ULK4: variants seen among roughly 807,000 people sequenced by gnomAD.
ULK4 encodes the protein unc-51 like kinase 4.
ULK4 carries 133 observed loss-of-function variants against 160.6 expected under a neutral mutation model. The ratio of observed to expected loss-of-function variants is 0.83; its 90% CI spans 0.72 to 0.96. The LOEUF is 0.96. Among genes scored for constraint, ULK4 ranks in the 40% least tolerant of loss-of-function variants. The pLI is 0.00. For missense variants in ULK4, 1,580 were observed against 1,499.5 expected (o/e 1.05, Z -0.89); for synonymous variants, 534 against 539.8 (o/e 0.99, Z 0.15).
chr3:41,495,004 C>T (rs1013102394), intron 32 of ULK4, among the ~76,000 whole-genome samples: 5 of 151,948 alleles, frequency 3.3e-5, no homozygotes, highest in Non-Finnish European at 7.4e-5. Context: ...GGCCATACTG[C>T]CCAAGGTAAT....
chr3:41,680,296 G>A (rs1383309193), intron 29 of ULK4, among the ~76,000 whole-genome samples: 1 of 151,966 alleles, frequency 6.6e-6, no homozygotes, highest in Non-Finnish European at 1.5e-5. Context: ...TCTTACTTTG[G>A]GCATTAAAAG....
In ULK4 at chr3:41,255,129, TAC is replaced by T. The variant is rs369404667; in HGVS notation, c.3679-5557_3679-5556del. Among the ~76,000 whole-genome samples the T allele has an allele frequency of 3.4e-3, 491 of 143,888 alleles. 2 individuals are homozygous for T. The highest frequency in any genetic ancestry group is 7.2e-3 in the Middle Eastern group (2 of 278). 94.4% of individuals were successfully genotyped at this position (143,888 alleles called of 152,430 possible). ...ACATCTGTAATATATAAATTATGGC[TAC>T]ACACACACACACACACACACACACA... On this transcript the variant is annotated intron_variant, in intron 35 of 36. Coordinates refer to ENST00000301831, the MANE Select transcript of ULK4 (RefSeq NM_017886.4).
At chr3:41,735,761 A>G (rs1438663411) in intron 22 of ULK4, among the ~76,000 whole-genome samples, 1 of 150,952 alleles carries the variant, frequency 6.6e-6, no homozygotes, top group Non-Finnish European at 1.5e-5. Context: ...GGTTTGTTAC[A>G]TATGTATACA....
At chr3:41,736,600 T>A (rs1013938910) in intron 22 of ULK4, among the ~76,000 whole-genome samples, 3 of 151,792 alleles carry the variant, frequency 2.0e-5, no homozygotes, top group African/African-American at 7.3e-5. Context: ...TAGCCCTTTG[T>A]CAGATGAGTA....
At chr3:41,439,526 C>T (rs1264672689) in intron 34 of ULK4, among the ~76,000 whole-genome samples, 1 of 152,086 alleles carries the variant, frequency 6.6e-6, no homozygotes, top group Non-Finnish European at 1.5e-5. Context: ...TGAGTGATAA[C>T]TGACATGCAA....
At position 41,379,281 on chromosome 3, in the gene ULK4, C is replaced by T. The variant is rs80018856; in HGVS notation, c.3678+18798G>A. 5.6e-3 allele frequency among the ~76,000 whole-genome samples: 850 copies of T among 152,096 alleles called. 7 individuals carry two copies. The highest frequency in any genetic ancestry group is 0.02 in the African/African-American group (823 of 41,510). The stretch of plus-strand genomic sequence containing the variant: ...ACATGTACTGTATGGAACTCTGAGA[C>T]TTTCTTTGAAGAATGGATAAAAATG... On this transcript the variant is annotated intron_variant, in intron 35 of 36. Transcript: ENST00000301831.
At chr3:41,900,479 C>T (rs921069113) in intron 13 of ULK4, among the ~76,000 whole-genome samples, 5 of 152,150 alleles carry the variant, frequency 3.3e-5, no homozygotes, top group African/African-American at 1.2e-4. Context: ...TGAGAGGCAG[C>T]AGAGCTGACT....
At chr3:41,492,798 C>T (rs1272968507) in intron 32 of ULK4, among the ~76,000 whole-genome samples, 1 of 147,700 alleles carries the variant, frequency 6.8e-6, no homozygotes, top group Admixed American at 6.8e-5. Flanking sequence ...ATAAAACAGA[C>T]TTTAAACCAG....
chr3:41,887,165 T>G (rs1697755336), intron 16 of ULK4, among the ~76,000 whole-genome samples: 1 of 152,174 alleles, frequency 6.6e-6, no homozygotes, highest in Non-Finnish European at 1.5e-5. Flanking sequence ...GCCCCACCAC[T>G]GGGGGCGAGG....
At chr3:41,693,955 G>GA (rs1553635237) in intron 27 of ULK4, among the ~76,000 whole-genome samples, 1 of 152,226 alleles carries the variant, frequency 6.6e-6, no homozygotes, top group Non-Finnish European at 1.5e-5. Context: ...TATGAACACA[G>GA]TATTGACTAT....
intron 32 of ULK4, among the ~76,000 whole-genome samples, chr3:41,502,213 C>T (rs2085234863): frequency 6.6e-6 from 1 of 152,142 alleles, no homozygotes; most frequent in Non-Finnish European, 1.5e-5. Context: ...GATATATTCC[C>T]AGAAGTAGAA....
chr3:41,593,548 G>A (rs1384953723), intron 31 of ULK4, among the ~76,000 whole-genome samples: 1 of 152,160 alleles, frequency 6.6e-6, no homozygotes, highest in Non-Finnish European at 1.5e-5. Flanking sequence ...CCGGTCTATA[G>A]TTGATAGTTA....
Position 41,368,624 on chromosome 3 carries a change from A to T in ULK4, c.3678+29455T>A, listed in dbSNP as rs543929459. ...TGTCTATTTTGGGTATTTTACATAA[A>T]TGTAATCACACATCATGTGGTGCTT... On this transcript the variant is annotated intron_variant, in intron 35 of 36. Transcript: ENST00000301831. Among the ~76,000 whole-genome samples the T allele has an allele frequency of 1.3e-4, 20 of 152,292 alleles. No individual in the cohort carries two copies. In the South Asian group the frequency reaches 4.1e-3, roughly 32 times the overall value.
intron 32 of ULK4, among the ~76,000 whole-genome samples, chr3:41,496,364 A>G (rs1232229867): frequency 6.6e-6 from 1 of 152,120 alleles, no homozygotes; most frequent in East Asian, 1.9e-4. Flanking sequence ...TGTTTTTCAA[A>G]TGTCAGACAA....
intron 31 of ULK4, among the ~76,000 whole-genome samples, chr3:41,593,644 G>C (rs186839526): frequency 6.6e-6 from 1 of 152,202 alleles, no homozygotes; most frequent in Admixed American, 6.5e-5. Context: ...TCTGGGCACA[G>C]AGTCATAGCT....
intron 35 of ULK4, among the ~76,000 whole-genome samples, chr3:41,343,906 G>A (rs1258515038): frequency 6.6e-6 from 1 of 152,106 alleles, no homozygotes; most frequent in East Asian, 1.9e-4. Context: ...AATCAATATT[G>A]TGAAAATGGC....
intron 32 of ULK4, among the ~76,000 whole-genome samples, chr3:41,554,693 T>A (rs79683286): frequency 0.02 from 3,108 of 152,120 alleles, 111 homozygotes; most frequent in African/African-American, 0.072. Context: ...TATTTCAAAG[T>A]AGGTAAAATA....
chr3:41,797,400 A>G (rs1372736021), intron 20 of ULK4, among the ~76,000 whole-genome samples: 2 of 152,196 alleles, frequency 1.3e-5, no homozygotes, highest in African/African-American at 4.8e-5. Context: ...GGTACAGTTA[A>G]GAGTCATCAA....
chr3:41,886,574 A>AT (rs1280152000), intron 16 of ULK4, among the ~76,000 whole-genome samples: 8,417 of 145,188 alleles, frequency 0.058, 667 homozygotes, highest in African/African-American at 0.19. Context: ...TAAAATGTGA[A>AT]TTTTTTTTTT....
Sources: gnomAD v4.1 joint callset for allele counts (sites outside exome capture counted in the v4.1 genomes callset) on GRCh38, gnomAD v4.1.1 for gene constraint, MANE v1.5 for transcripts, NCBI Gene and HGNC (gene_info 2026-07-23, HGNC 2026-07-21) for gene names.